Variants in DLG2 observed in about 807,000 individuals in gnomAD.
The protein encoded by DLG2 is disks large homolog 2.
In DLG2, 45 loss-of-function variants were observed where a neutral mutation model predicts 132.5. That is an observed-to-expected ratio of 0.34 (90% CI 0.27 to 0.44). The LOEUF is 0.44. DLG2 is among the 20% of genes least tolerant of loss of function. The pLI is 1.00. For missense variants in DLG2, 1,045 were observed against 1,196.9 expected (o/e 0.87, Z 1.87); for synonymous variants, 424 against 419.6 (o/e 1.01, Z -0.13).
chr11:84,596,667 T>A (rs2099559547), intron 6 of DLG2, among the ~76,000 whole-genome samples: 1 of 152,098 alleles, frequency 6.6e-6, no homozygotes, highest in Non-Finnish European at 1.5e-5. Context: ...TTGTGGGTGG[T>A]ACTCTGGCAG....
rs2083247837 is a variant in DLG2, at chr11:84,859,329, A to G, written c.357+252332T>C. 2.0e-5 allele frequency among the ~76,000 whole-genome samples: 3 copies of G among 146,574 alleles called. No individual in the cohort carries two copies. In the South Asian group the frequency reaches 6.3e-4, roughly 31 times the overall value. On this transcript the variant is annotated intron_variant, in intron 6 of 27. Coordinates refer to ENST00000376104, the MANE Select transcript of DLG2 (RefSeq NM_001142699.3). ...TATACCTATATATGTATATCTACAT[A>G]TATAGGTATATATGTAGATTTTATA...
chr11:85,285,758 C>G (rs1448683660), intron 3 of DLG2, among the ~76,000 whole-genome samples: 2 of 151,840 alleles, frequency 1.3e-5, no homozygotes, highest in Non-Finnish European at 2.9e-5. Flanking sequence ...ACCTATATAG[C>G]ATCTGGAAAA....
chr11:84,109,671 G>A (rs1410926802), intron 9 of DLG2, among the ~76,000 whole-genome samples: 1 of 151,910 alleles, frequency 6.6e-6, no homozygotes, highest in African/African-American at 2.4e-5. Flanking sequence ...TTCTTAATTT[G>A]TTGATCATTT....
chr11:84,443,311 C>T (rs1567648696), intron 7 of DLG2, among the ~76,000 whole-genome samples: 1 of 147,262 alleles, frequency 6.8e-6, no homozygotes, highest in Non-Finnish European at 1.5e-5. Context: ...ATAAGTTCTT[C>T]ATAATATAGG....
rs188604651 is a variant in DLG2, at chr11:85,167,551, C to T, written c.187-12900G>A. Among the ~76,000 whole-genome samples, 257 of 152,232 alleles carry T rather than the reference C, an allele frequency of 1.7e-3. 2 individuals carry two copies. Among genetic ancestry groups the T allele is most frequent in the Admixed American group, 3.2e-3 (49 of 15,264 alleles). ...CCTAATACCCAGAGGGAAAGAACAT[C>T]CTTGTGCTCAAAGACACAAAGAAGA... On this transcript the variant is annotated intron_variant, in intron 4 of 27. Transcript: ENST00000376104.
chr11:85,229,986 G>A (rs1374453430), intron 4 of DLG2, among the ~76,000 whole-genome samples: 2 of 151,966 alleles, frequency 1.3e-5, no homozygotes, highest in Non-Finnish European at 2.9e-5. Context: ...TCAAGGGGTG[G>A]GGAGCTAGAG....
chr11:84,743,450 C>G (rs868158515), intron 6 of DLG2, among the ~76,000 whole-genome samples: 1 of 152,108 alleles, frequency 6.6e-6, no homozygotes, highest in Non-Finnish European at 1.5e-5. Flanking sequence ...TCAACCCATC[C>G]ATCCATTTAG....
chr11:84,149,676 A>T (rs2095228015), intron 9 of DLG2, among the ~76,000 whole-genome samples: 2 of 152,156 alleles, frequency 1.3e-5, no homozygotes, highest in Admixed American at 6.6e-5. Flanking sequence ...TCTTTTGCTT[A>T]GGATTCCTTA....
At chr11:83,635,560 G>A (rs2064579832) in intron 18 of DLG2, among the ~76,000 whole-genome samples, 1 of 152,130 alleles carries the variant, frequency 6.6e-6, no homozygotes, top group African/African-American at 2.4e-5. Flanking sequence ...GTACATGTAT[G>A]GTTGTGTGCC....
At chr11:83,951,395 A>T (rs12099407) in intron 14 of DLG2, among the ~76,000 whole-genome samples, 2,074 of 152,212 alleles carry the variant, frequency 0.014, 21 homozygotes, top group Middle Eastern at 0.048. Context: ...CAAATACTCA[A>T]ATAAAAATGA....
At chr11:84,433,890 G>A (rs957332973) in intron 7 of DLG2, among the ~76,000 whole-genome samples, 2 of 152,122 alleles carry the variant, frequency 1.3e-5, no homozygotes, top group Admixed American at 6.5e-5. Flanking sequence ...GCCAAGGTGG[G>A]CAGATCACTT....
chr11:83,707,001 C>T (rs1056219351), intron 18 of DLG2, among the ~76,000 whole-genome samples: 1 of 152,226 alleles, frequency 6.6e-6, no homozygotes, highest in African/African-American at 2.4e-5. Flanking sequence ...ACTTTCCATA[C>T]ATTTTATCAC....
At chr11:84,718,770 G>A (rs1005880373) in intron 6 of DLG2, among the ~76,000 whole-genome samples, 4 of 152,282 alleles carry the variant, frequency 2.6e-5, no homozygotes, top group Non-Finnish European at 5.9e-5. Context: ...CAGGTTGTAT[G>A]GGAGAGAACC....
chr11:83,758,070 A>G (rs1414685210), intron 18 of DLG2, among the ~76,000 whole-genome samples: 1 of 152,238 alleles, frequency 6.6e-6, no homozygotes, highest in Non-Finnish European at 1.5e-5. Flanking sequence ...ATTCAAATAA[A>G]ATTTTTGCTG....
chr11:84,041,860 G>A (rs1337858798), intron 11 of DLG2, among the ~76,000 whole-genome samples: 1 of 151,808 alleles, frequency 6.6e-6, no homozygotes, highest in Non-Finnish European at 1.5e-5. Context: ...TTGAATTATG[G>A]GGATGGGTCT....
intron 18 of DLG2, among the ~76,000 whole-genome samples, chr11:83,701,920 C>G (rs996635344): frequency 1.3e-5 from 2 of 152,188 alleles, no homozygotes; most frequent in African/African-American, 4.8e-5. Context: ...TGGTGTTCAA[C>G]AAATCAACTT....
chr11:85,362,530 T>C (rs2084240417), intron 3 of DLG2, among the ~76,000 whole-genome samples: 1 of 152,128 alleles, frequency 6.6e-6, no homozygotes, highest in East Asian at 1.9e-4. Context: ...CTTTAGAGTT[T>C]CCTAGATATA....
chr11:84,984,917 T>C lies in DLG2; in HGVS notation c.357+126744A>G, dbSNP rs114860913. Reference sequence around the variant, plus strand: ...GGACATTATATAATGATAACAGGCCTTGTCCAACAGGAAAATATCACACTC... The same window carrying C: ...GGACATTATATAATGATAACAGGCCCTGTCCAACAGGAAAATATCACACTC... On this transcript the variant is annotated intron_variant, in intron 6 of 27. Transcript: ENST00000376104. Among the ~76,000 whole-genome samples, 1,355 of 152,248 alleles carry C rather than the reference T, an allele frequency of 8.9e-3. 13 individuals are homozygous for C. The highest frequency in any genetic ancestry group is 0.031 in the African/African-American group (1,283 of 41,542).
chr11:85,572,453 C>T (rs2077897955), intron 3 of DLG2, among the ~76,000 whole-genome samples: 1 of 152,118 alleles, frequency 6.6e-6, no homozygotes, highest in Admixed American at 6.6e-5. Flanking sequence ...TTTCTGGGAA[C>T]TCAAAATGTA....
Sources: gnomAD v4.1 joint callset for allele counts (sites outside exome capture counted in the v4.1 genomes callset) on GRCh38, gnomAD v4.1.1 for gene constraint, MANE v1.5 for transcripts, NCBI Gene and HGNC (gene_info 2026-07-23, HGNC 2026-07-21) for gene names.